Variants in DLG2 observed in about 807,000 individuals in gnomAD.
DLG2 encodes disks large homolog 2.
A neutral mutation model predicts 132.5 loss-of-function variants in DLG2; 45 were observed. The ratio of observed to expected loss-of-function variants is 0.34; its 90% CI spans 0.27 to 0.44. The LOEUF (loss-of-function observed/expected upper bound fraction) is 0.44, where lower values mean the gene tolerates loss of function less well. DLG2 is among the 20% of genes least tolerant of loss of function. DLG2 has a pLI of 1.00. For synonymous variants in DLG2, 424 were observed against 419.6 expected, an observed-to-expected ratio of 1.01 and a Z score of -0.13; for missense variants, 1,045 against 1,196.9, an observed-to-expected ratio of 0.87 and a Z score of 1.87.
At chr11:84,024,741 G>T (rs965632300) in intron 11 of DLG2, among the ~76,000 whole-genome samples, 3 of 151,984 alleles carry the variant, frequency 2.0e-5, no homozygotes, top group Admixed American at 6.6e-5. Context: ...TGGTTACAGA[G>T]GGTGGAGGTG....
chr11:84,799,251 G>A (rs1423624570), intron 6 of DLG2, among the ~76,000 whole-genome samples: 1 of 152,158 alleles, frequency 6.6e-6, no homozygotes, highest in African/African-American at 2.4e-5. Flanking sequence ...ATGCTGGGAA[G>A]GGCTCTTCCT....
At chr11:85,181,560 G>A (rs1319500156) in intron 4 of DLG2, among the ~76,000 whole-genome samples, 6 of 151,226 alleles carry the variant, frequency 4.0e-5, no homozygotes, top group African/African-American at 1.2e-4. Flanking sequence ...TTTTGTTTCC[G>A]TTCCCTTGTT....
intron 3 of DLG2, among the ~76,000 whole-genome samples, chr11:85,380,046 C>A (rs2085746029): frequency 6.6e-6 from 1 of 152,118 alleles, no homozygotes; most frequent in Admixed American, 6.6e-5. Context: ...TGATTTTCCA[C>A]AAAATATTGC....
chr11:83,541,152 C>T (rs1196521803), intron 20 of DLG2, among the ~76,000 whole-genome samples: 2 of 152,032 alleles, frequency 1.3e-5, no homozygotes, highest in Admixed American at 1.3e-4. Flanking sequence ...AATTGTAAAC[C>T]CAGTCCTTAG....
At chr11:83,842,615 T>C (rs1371736615) in intron 16 of DLG2, among the ~76,000 whole-genome samples, 1 of 144,320 alleles carries the variant, frequency 6.9e-6, no homozygotes, top group Non-Finnish European at 1.5e-5. Flanking sequence ...GATCACGAGG[T>C]CAGGATATCG....
intron 3 of DLG2, among the ~76,000 whole-genome samples, chr11:85,580,299 T>C (rs758154882): frequency 6.6e-6 from 1 of 152,182 alleles, no homozygotes; most frequent in Non-Finnish European, 1.5e-5. Flanking sequence ...ACTGTGGCTT[T>C]ATGTAGAAGA....
chr11:83,668,868 T>TA (rs150778195), intron 18 of DLG2, among the ~76,000 whole-genome samples: 745 of 61,952 alleles, frequency 0.012, 36 homozygotes, highest in African/African-American at 0.036. Flanking sequence ...TATATATATA[T>TA]TTTTTTTTTA....
chr11:84,859,608 G>A lies in DLG2; in HGVS notation c.357+252053C>T, dbSNP rs151045416. Among the ~76,000 whole-genome samples, 316 of 151,446 alleles carry A rather than the reference G, an allele frequency of 2.1e-3. 4 individuals carry two copies. The highest frequency in any genetic ancestry group is 4.6e-3 in the Admixed American group (70 of 15,142). On this transcript the variant is annotated intron_variant, in intron 6 of 27. Transcript: ENST00000376104. The stretch of plus-strand genomic sequence containing the variant: ...AATGCTAGATAATAATGAATTTGTG[G>A]AAATAACAAGTAGTAAACATAGCAG...
intron 14 of DLG2, among the ~76,000 whole-genome samples, chr11:83,950,384 C>A (rs1465432356): frequency 6.6e-6 from 1 of 152,176 alleles, no homozygotes; most frequent in African/African-American, 2.4e-5. Flanking sequence ...CACTTCAGGT[C>A]AGGAGTTCGA....
chr11:83,906,275 A>T (rs1460473104), intron 15 of DLG2, among the ~76,000 whole-genome samples: 20,590 of 93,414 alleles, frequency 0.22, 2,718 homozygotes, highest in South Asian at 0.33. Context: ...ACACACACAC[A>T]CACACACACA....
chr11:84,030,236 A>T (rs1460107781), intron 11 of DLG2, among the ~76,000 whole-genome samples: 3 of 152,150 alleles, frequency 2.0e-5, no homozygotes, highest in Non-Finnish European at 4.4e-5. Context: ...ACAGGTAGAC[A>T]CTATTATTAC....
intron 7 of DLG2, among the ~76,000 whole-genome samples, chr11:84,260,357 G>A (rs2097535177): frequency 6.6e-6 from 1 of 152,112 alleles, no homozygotes; most frequent in African/African-American, 2.4e-5. Context: ...TGAACTGTTA[G>A]TATGAAGATT....
intron 18 of DLG2, among the ~76,000 whole-genome samples, chr11:83,653,737 T>A (rs1591780574): frequency 6.6e-6 from 1 of 152,164 alleles, no homozygotes; most frequent in East Asian, 1.9e-4. Context: ...TTTTATTTTT[T>A]TTTTAGATGG....
intron 3 of DLG2, among the ~76,000 whole-genome samples, chr11:85,288,635 G>T (rs1249908763): frequency 6.6e-6 from 1 of 151,368 alleles, no homozygotes; most frequent in Admixed American, 6.6e-5. Context: ...CTCCAGTCCT[G>T]GTAACAGAAC....
chr11:85,420,781 T>TC (rs1181956971), intron 3 of DLG2, among the ~76,000 whole-genome samples: 4 of 151,952 alleles, frequency 2.6e-5, no homozygotes, highest in Non-Finnish European at 4.4e-5. Flanking sequence ...TGGATGCCCC[T>TC]CCCCCCACCA....
intron 15 of DLG2, among the ~76,000 whole-genome samples, chr11:83,908,324 C>T (rs866761660): frequency 6.6e-5 from 10 of 151,412 alleles, no homozygotes; most frequent in Non-Finnish European, 1.2e-4. Flanking sequence ...TTTTCAGCCT[C>T]GGATACCAAC....
At chr11:85,050,106 C>A (rs2062749917) in intron 6 of DLG2, among the ~76,000 whole-genome samples, 1 of 118,810 alleles carries the variant, frequency 8.4e-6, no homozygotes, top group Non-Finnish European at 1.8e-5. Flanking sequence ...AGAGAACTGA[C>A]CCACTGTGTC....
chr11:84,584,341 T>C (rs1197897531), intron 6 of DLG2, among the ~76,000 whole-genome samples: 1 of 152,076 alleles, frequency 6.6e-6, no homozygotes, highest in South Asian at 2.1e-4. Context: ...ATGATGTCTA[T>C]TGAACATTTT....
chr11:84,395,368 C>T (rs376735284), intron 7 of DLG2, among the ~76,000 whole-genome samples: 8 of 151,964 alleles, frequency 5.3e-5, no homozygotes, highest in South Asian at 2.1e-4. Flanking sequence ...GGCCTTAGTG[C>T]GACACCAACC....
Sources: gnomAD v4.1 joint callset for allele counts (sites outside exome capture counted in the v4.1 genomes callset) on GRCh38, gnomAD v4.1.1 for gene constraint, MANE v1.5 for transcripts, NCBI Gene and HGNC (gene_info 2026-07-23, HGNC 2026-07-21) for gene names.